CLYBL: variants seen among roughly 807,000 people sequenced by gnomAD.
CLYBL encodes the protein citramalyl-CoA lyase, also known as citramalyl-CoA lyase, mitochondrial.
In CLYBL, 31 loss-of-function variants were observed where a neutral mutation model predicts 38.9. The observed-to-expected ratio is 0.80, with a 90% CI of 0.60 to 1.08. The LOEUF (loss-of-function observed/expected upper bound fraction) is 1.08, where lower values mean the gene tolerates loss of function less well. CLYBL is among the 50% of genes least tolerant of loss of function. The pLI is 0.00. For synonymous variants in CLYBL, 171 were observed against 158.6 expected (o/e 1.08, Z -0.59); for missense variants, 434 against 411.6 (o/e 1.05, Z -0.47).
chr13:99,803,855 G>A (rs1455806030), intron 2 of CLYBL, among the ~76,000 whole-genome samples: 1 of 152,186 alleles, frequency 6.6e-6, no homozygotes, highest in Non-Finnish European at 1.5e-5. Context: ...CACACTAACA[G>A]TGGGGTTCGA....
At chr13:99,721,947 A>G (rs2048399621) in intron 1 of CLYBL, among the ~76,000 whole-genome samples, 1 of 152,158 alleles carries the variant, frequency 6.6e-6, no homozygotes, top group South Asian at 2.1e-4. Context: ...ACCAAGGCTC[A>G]GTTATTTTAG....
At chr13:99,648,100 G>A (rs2047202258) in intron 1 of CLYBL, among the ~76,000 whole-genome samples, 1 of 152,092 alleles carries the variant, frequency 6.6e-6, no homozygotes, top group African/African-American at 2.4e-5. Flanking sequence ...GCATGCACCA[G>A]GTTTTCCATT....
At chr13:99,804,334 G>T (rs1209987814) in intron 2 of CLYBL, among the ~76,000 whole-genome samples, 2 of 152,210 alleles carry the variant, frequency 1.3e-5, no homozygotes, top group Admixed American at 6.5e-5. Flanking sequence ...TTGGGCTACA[G>T]CAGGTGGATC....
chr13:99,797,111 C>A (rs994391523), intron 2 of CLYBL, among the ~76,000 whole-genome samples: 7 of 151,860 alleles, frequency 4.6e-5, no homozygotes, highest in African/African-American at 1.7e-4. Context: ...AATTATAGTC[C>A]CTTTTTATTT....
intron 1 of CLYBL, among the ~76,000 whole-genome samples, chr13:99,729,827 C>T (rs970647445): frequency 8.5e-5 from 13 of 152,228 alleles, no homozygotes; most frequent in Admixed American, 2.6e-4. Flanking sequence ...CCCCTGCCAC[C>T]GTCGGCCCTG....
intron 2 of CLYBL, among the ~76,000 whole-genome samples, chr13:99,822,803 C>T (rs1452372490): frequency 6.6e-6 from 1 of 152,188 alleles, no homozygotes; most frequent in Non-Finnish European, 1.5e-5. Flanking sequence ...TGTTCTTCCC[C>T]AAGTCTTTCT....
intron 1 of CLYBL, among the ~76,000 whole-genome samples, chr13:99,670,863 A>C (rs1566605140): frequency 6.6e-6 from 1 of 152,098 alleles, no homozygotes; most frequent in Non-Finnish European, 1.5e-5. Flanking sequence ...TCTGTTCTTC[A>C]TACAGCAAGC....
chr13:99,664,487 AATATTAAATTG>A (rs2047452210), intron 1 of CLYBL, among the ~76,000 whole-genome samples: 1 of 152,206 alleles, frequency 6.6e-6, no homozygotes, highest in Non-Finnish European at 1.5e-5. Flanking sequence ...GCTCTATAAA[AATATTAAATTG>A]CTATTATGAT....
chr13:99,755,529 A>G (rs2049046599), intron 1 of CLYBL, among the ~76,000 whole-genome samples: 1 of 152,088 alleles, frequency 6.6e-6, no homozygotes, highest in Non-Finnish European at 1.5e-5. Context: ...TACCTCTGAT[A>G]TGGGCGCCCT....
intron 1 of CLYBL, among the ~76,000 whole-genome samples, chr13:99,617,741 A>C (rs2046735011): frequency 6.6e-6 from 1 of 152,202 alleles, no homozygotes; most frequent in South Asian, 2.1e-4. Flanking sequence ...GGTCCCTTTA[A>C]AAGTTTATGA....
chr13:99,659,914 C>T (rs914322672), intron 1 of CLYBL, among the ~76,000 whole-genome samples: 4 of 152,150 alleles, frequency 2.6e-5, no homozygotes, highest in Non-Finnish European at 4.4e-5. Flanking sequence ...TTCTGTGAAC[C>T]AGGGGGCGAT....
chr13:99,705,272 A>ATTCAACCTT (rs2048129501), intron 1 of CLYBL, among the ~76,000 whole-genome samples: 1 of 152,088 alleles, frequency 6.6e-6, no homozygotes, highest in African/African-American at 2.4e-5. Flanking sequence ...CAAGAATATT[A>ATTCAACCTT]TTCAACCTTA....
intron 2 of CLYBL, among the ~76,000 whole-genome samples, chr13:99,856,240 G>C (rs1420372053): frequency 6.6e-6 from 1 of 152,140 alleles, no homozygotes; most frequent in Non-Finnish European, 1.5e-5. Context: ...TCAAATCCAA[G>C]TGAAACCAAA....
chr13:99,852,396 G>A (rs573441285), intron 2 of CLYBL, among the ~76,000 whole-genome samples: 22 of 152,222 alleles, frequency 1.4e-4, no homozygotes, highest in Admixed American at 9.8e-4. Flanking sequence ...GTGCCACCAC[G>A]CCTGGCTTAT....
rs530716232 is a variant in CLYBL, at chr13:99,808,241, A to G, written c.249+35231A>G. The stretch of plus-strand genomic sequence containing the variant: ...GCTGGGACCACAGGCCCACACCCCC[A>G]CTCCAGGCTCATTTTTTGCATTTTT... On this transcript the variant is annotated intron_variant, in intron 2 of 8. Coordinates refer to ENST00000339105, the MANE Select transcript of CLYBL (RefSeq NM_206808.5). Among the ~76,000 whole-genome samples, 4 of 151,860 alleles carry G rather than the reference A, an allele frequency of 2.6e-5. No individual in the cohort carries two copies. The South Asian group carries it at 8.4e-4, about 32-fold the overall frequency.
At chr13:99,844,149 T>C (rs1211784273) in intron 2 of CLYBL, among the ~76,000 whole-genome samples, 2 of 152,180 alleles carry the variant, frequency 1.3e-5, no homozygotes, top group Admixed American at 1.3e-4. Context: ...TTACAGGCTA[T>C]CGGGTAACTC....
rs149250625 is a variant in CLYBL, at chr13:99,646,804, G to A, written c.62+40047G>A. ...CTCCCAAAGTGCTGGGACTACAGGC[G>A]TGAGCCACCACGCCTGGCTGGTTAC... On this transcript the variant is annotated intron_variant, in intron 1 of 8. Coordinates refer to ENST00000339105, the MANE Select transcript of CLYBL (RefSeq NM_206808.5). Among the ~76,000 whole-genome samples the A allele has an allele frequency of 1.3e-3, 194 of 151,936 alleles. 1 individual carries two copies. The highest frequency in any genetic ancestry group is 2.5e-3 in the South Asian group (12 of 4,806).
chr13:99,881,569 C>T (rs529492258), intron 7 of CLYBL, among the ~76,000 whole-genome samples: 2 of 151,480 alleles, frequency 1.3e-5, no homozygotes, highest in African/African-American at 4.9e-5. Context: ...ACCACAGGTG[C>T]GTGTCACCAC....
intron 1 of CLYBL, among the ~76,000 whole-genome samples, chr13:99,627,854 C>G (rs1244867920): frequency 6.6e-6 from 1 of 152,196 alleles, no homozygotes; most frequent in African/African-American, 2.4e-5. Flanking sequence ...CCATAAGTCA[C>G]TGTCAAAATG....
Sources: gnomAD v4.1 joint callset for allele counts (sites outside exome capture counted in the v4.1 genomes callset) on GRCh38, gnomAD v4.1.1 for gene constraint, MANE v1.5 for transcripts, NCBI Gene and HGNC (gene_info 2026-07-23, HGNC 2026-07-21) for gene names.